The following CPQ variants were observed in gnomAD, a reference collection of about 807,000 sequenced individuals.
The protein encoded by CPQ is Ser-Met dipeptidase.
In CPQ, 37 loss-of-function variants were observed where a neutral mutation model predicts 45.7. The observed-to-expected ratio is 0.81, with a 90% CI of 0.62 to 1.07. CPQ has a LOEUF of 1.07. Ranked by LOEUF, CPQ falls within the 50% of genes least tolerant of loss-of-function variation. The probability of loss-of-function intolerance (pLI) is 0.00; values close to 1 mark genes in which losing one functional copy is unlikely to be tolerated. For synonymous variants in CPQ, 186 were observed against 205.8 expected (o/e 0.90, Z 0.82); for missense variants, 537 against 572.9 (o/e 0.94, Z 0.64).
At chr8:97,024,106 A>C (rs1056358313) in intron 5 of CPQ, among the ~76,000 whole-genome samples, 43 of 152,148 alleles carry the variant, frequency 2.8e-4, no homozygotes, top group African/African-American at 1.0e-3. Context: ...CTTCTCCTAG[A>C]ATCTGAGGCC....
intron 7 of CPQ, among the ~76,000 whole-genome samples, chr8:97,108,403 A>G (rs1811441190): frequency 6.6e-6 from 1 of 152,236 alleles, no homozygotes; most frequent in Non-Finnish European, 1.5e-5. Context: ...TTTTATTTTT[A>G]AAGACTTGAT....
chr8:97,011,486 G>A (rs1809483719), intron 5 of CPQ, among the ~76,000 whole-genome samples: 1 of 152,204 alleles, frequency 6.6e-6, no homozygotes, highest in Non-Finnish European at 1.5e-5. Flanking sequence ...GAAGAAGATG[G>A]AGGTTGCACA....
At chr8:97,005,381 A>G (rs1002743141) in intron 5 of CPQ, among the ~76,000 whole-genome samples, 1 of 151,736 alleles carries the variant, frequency 6.6e-6, no homozygotes, top group Non-Finnish European at 1.5e-5. Flanking sequence ...CTCCTGGCCT[A>G]TGATCATTTT....
intron 4 of CPQ, among the ~76,000 whole-genome samples, chr8:96,957,837 G>A (rs528124742): frequency 2.0e-5 from 3 of 148,860 alleles, no homozygotes; most frequent in African/African-American, 7.6e-5. Flanking sequence ...GGTACCAAAT[G>A]CTTTTTTTTT....
chr8:97,042,241 C>A (rs1810141001), intron 6 of CPQ, among the ~76,000 whole-genome samples: 1 of 151,996 alleles, frequency 6.6e-6, no homozygotes, highest in African/African-American at 2.4e-5. Flanking sequence ...GGAATTTATC[C>A]ATTTCTTCTA....
At chr8:96,891,532 A>T (rs1378390976) in intron 4 of CPQ, among the ~76,000 whole-genome samples, 1 of 152,142 alleles carries the variant, frequency 6.6e-6, no homozygotes, top group Non-Finnish European at 1.5e-5. Context: ...CCATTGAGCA[A>T]TGACAGGGGT....
intron 1 of CPQ, among the ~76,000 whole-genome samples, chr8:96,659,998 A>G (rs1441824544): frequency 6.6e-6 from 1 of 152,206 alleles, no homozygotes; most frequent in Non-Finnish European, 1.5e-5. Context: ...TGCTTGTGGA[A>G]TAAATCCCAA....
At chr8:96,930,798 A>G (rs1812963748) in intron 4 of CPQ, among the ~76,000 whole-genome samples, 1 of 152,218 alleles carries the variant, frequency 6.6e-6, no homozygotes, top group Admixed American at 6.5e-5. Context: ...GGGCAATTGG[A>G]ATGTCAGCAG....
At chr8:97,050,278 G>T (rs1005267515) in intron 6 of CPQ, among the ~76,000 whole-genome samples, 1 of 152,162 alleles carries the variant, frequency 6.6e-6, no homozygotes, top group Non-Finnish European at 1.5e-5. Flanking sequence ...TTAATGATCT[G>T]TGTTGATACC....
intron 2 of CPQ, among the ~76,000 whole-genome samples, chr8:96,810,877 G>A (rs1479244640): frequency 2.0e-5 from 3 of 152,082 alleles, no homozygotes; most frequent in Non-Finnish European, 4.4e-5. Flanking sequence ...TTAGCTTTGG[G>A]TCCTCTATAG....
At chr8:97,059,451 A>G (rs1810510227) in intron 6 of CPQ, among the ~76,000 whole-genome samples, 2 of 152,132 alleles carry the variant, frequency 1.3e-5, no homozygotes, top group Non-Finnish European at 2.9e-5. Flanking sequence ...AATTTATGTT[A>G]TCATCCCTTT....
chr8:96,695,632 A>T (rs1809367473), intron 1 of CPQ, among the ~76,000 whole-genome samples: 1 of 152,026 alleles, frequency 6.6e-6, no homozygotes. Flanking sequence ...TGGGCAAAGG[A>T]CATGAACAGA....
chr8:96,765,147 T>C (rs1217264538), intron 1 of CPQ, among the ~76,000 whole-genome samples: 1 of 152,188 alleles, frequency 6.6e-6, no homozygotes, highest in Non-Finnish European at 1.5e-5. Flanking sequence ...TGACAGAGTG[T>C]TTGGCGCAAT....
At chr8:96,806,451 G>C (rs1278835459) in intron 2 of CPQ, among the ~76,000 whole-genome samples, 1 of 152,068 alleles carries the variant, frequency 6.6e-6, no homozygotes, top group African/African-American at 2.4e-5. Flanking sequence ...ACAGTACTAA[G>C]ACAGACTTGT....
At chr8:96,845,243 G>T (rs1415777209) in intron 3 of CPQ, among the ~76,000 whole-genome samples, 1 of 152,050 alleles carries the variant, frequency 6.6e-6, no homozygotes, top group Non-Finnish European at 1.5e-5. Flanking sequence ...GGTAATTTAT[G>T]TCTATCTACC....
intron 2 of CPQ, among the ~76,000 whole-genome samples, chr8:96,796,419 C>T (rs184884978): frequency 1.3e-5 from 2 of 152,038 alleles, no homozygotes; most frequent in East Asian, 3.9e-4. Context: ...ATTGATTGTC[C>T]TATTTTATTC....
chr8:97,078,803 CT>C lies in CPQ; in HGVS notation c.1255+12594del, dbSNP rs1333397552. 1.4e-4 allele frequency among the ~76,000 whole-genome samples: 21 copies of C among 144,890 alleles called. 1 individual carries two copies. In the South Asian group the frequency reaches 3.9e-3, roughly 27 times the overall value. On this transcript the variant is annotated intron_variant, in intron 7 of 7. Coordinates refer to ENST00000220763, the MANE Select transcript of CPQ (RefSeq NM_016134.4). ...TCTCTCTCTCTCTCTCTCTCTCTCT[CT>C]CTCCCTCTCTCCTTTTTTAGAGATG...
At chr8:96,852,589 C>G (rs181179355) in intron 3 of CPQ, among the ~76,000 whole-genome samples, 6 of 152,166 alleles carry the variant, frequency 3.9e-5, no homozygotes, top group African/African-American at 1.4e-4. Context: ...CTTTCTGCCT[C>G]CTTACCTCCT....
At chr8:97,110,429 C>T (rs976060779) in intron 7 of CPQ, among the ~76,000 whole-genome samples, 4 of 152,114 alleles carry the variant, frequency 2.6e-5, no homozygotes, top group Admixed American at 6.5e-5. Context: ...CTACTATGTA[C>T]GTACTTATAC....
Sources: gnomAD v4.1 joint callset for allele counts (sites outside exome capture counted in the v4.1 genomes callset) on GRCh38, gnomAD v4.1.1 for gene constraint, MANE v1.5 for transcripts, NCBI Gene and HGNC (gene_info 2026-07-23, HGNC 2026-07-21) for gene names.